DCC: variants seen among roughly 807,000 people sequenced by gnomAD.
The protein encoded by DCC is netrin receptor DCC.
In DCC, 58 loss-of-function variants were observed where a neutral mutation model predicts 172.5. The observed-to-expected ratio is 0.34, with a 90% CI of 0.27 to 0.42. The LOEUF (loss-of-function observed/expected upper bound fraction) is 0.42. DCC is among the 10% of genes least tolerant of loss of function. DCC has a pLI of 1.00. For synonymous variants in DCC, 709 were observed against 644.5 expected, an observed-to-expected ratio of 1.10 and a Z score of -1.52; for missense variants, 1,740 against 1,791.0, an observed-to-expected ratio of 0.97 and a Z score of 0.51.
At chr18:53,285,226 C>T (rs1003270028) in intron 12 of DCC, among the ~76,000 whole-genome samples, 3 of 152,132 alleles carry the variant, frequency 2.0e-5, no homozygotes, top group African/African-American at 7.2e-5. Context: ...CCAACGCATG[C>T]CAGATACCTT....
At chr18:52,871,721 G>A (rs967722019) in intron 2 of DCC, among the ~76,000 whole-genome samples, 1 of 152,084 alleles carries the variant, frequency 6.6e-6, no homozygotes, top group Non-Finnish European at 1.5e-5. Context: ...TCCCAAAGTG[G>A]TGACCCTCTT....
At chr18:53,179,688 A>G (rs2055165864) in intron 9 of DCC, among the ~76,000 whole-genome samples, 1 of 152,208 alleles carries the variant, frequency 6.6e-6, no homozygotes, top group African/African-American at 2.4e-5. Flanking sequence ...GAGCAGCTGA[A>G]TGTTCTTTGA....
At chr18:53,011,455 C>T (rs2041729767) in intron 5 of DCC, among the ~76,000 whole-genome samples, 1 of 151,376 alleles carries the variant, frequency 6.6e-6, no homozygotes, top group East Asian at 1.9e-4. Context: ...ACTGATTTTG[C>T]AAAGAGGGTT....
intron 1 of DCC, among the ~76,000 whole-genome samples, chr18:52,349,902 G>C (rs1984041526): frequency 6.6e-6 from 1 of 152,052 alleles, no homozygotes; most frequent in African/African-American, 2.4e-5. Context: ...TTGTAATCAA[G>C]GGGCCTAACT....
intron 21 of DCC, among the ~76,000 whole-genome samples, chr18:53,431,470 T>C (rs899796704): frequency 7.9e-6 from 1 of 126,128 alleles, no homozygotes; most frequent in African/African-American, 2.6e-5. Flanking sequence ...ACACTTTGTT[T>C]TTTGTTGTTG....
intron 1 of DCC, among the ~76,000 whole-genome samples, chr18:52,484,687 A>G (rs1250702551): frequency 6.6e-6 from 1 of 152,064 alleles, no homozygotes; most frequent in Non-Finnish European, 1.5e-5. Flanking sequence ...GTGCCCAAAC[A>G]GATTGCTACC....
At chr18:52,401,339 AGCAT>A (rs1216220081) in intron 1 of DCC, among the ~76,000 whole-genome samples, 1 of 152,006 alleles carries the variant, frequency 6.6e-6, no homozygotes, top group African/African-American at 2.4e-5. Context: ...ATCTCTACTG[AGCAT>A]TTACAGCATC....
chr18:53,423,281 T>C (rs1910736784), intron 21 of DCC, among the ~76,000 whole-genome samples: 1 of 152,174 alleles, frequency 6.6e-6, no homozygotes, highest in Admixed American at 6.6e-5. Flanking sequence ...ATTGGCCAAG[T>C]ACACGGTCTT....
chr18:52,723,512 C>T (rs4641847), intron 1 of DCC, among the ~76,000 whole-genome samples: 3 of 152,128 alleles, frequency 2.0e-5, no homozygotes, highest in African/African-American at 7.2e-5. Context: ...TGGCTTCAGC[C>T]GTCCCTCAGA....
At chr18:53,424,641 G>GC (rs1327162889) in intron 21 of DCC, among the ~76,000 whole-genome samples, 1 of 118,768 alleles carries the variant, frequency 8.4e-6, no homozygotes, top group Non-Finnish European at 2.1e-5. Context: ...ACTATTACCG[G>GC]GGGAAGAGTA....
rs2144698002 is a variant in DCC, at chr18:53,267,501, A to G, written c.1912-38077A>G. 2.0e-5 allele frequency among the ~76,000 whole-genome samples: 3 copies of G among 151,764 alleles called. No individual in the cohort carries two copies. The Middle Eastern group carries it at 0.01, about 523-fold the overall frequency. On this transcript the variant is annotated intron_variant, in intron 12 of 28. Transcript: ENST00000442544. ...TGTGCCCGGCCAATATTCTTTTGAG[A>G]CAGGGTCTTTCTCTGTCACCCAGGG...
intron 7 of DCC, among the ~76,000 whole-genome samples, chr18:53,068,779 G>GTGTGTGTGTGTA (rs2042610442): frequency 6.7e-6 from 1 of 150,234 alleles, no homozygotes; most frequent in African/African-American, 2.5e-5. Context: ...GACTGTGTGT[G>GTGTGTGTGTGTA]TGTGTGTGTG....
At chr18:52,702,353 C>T (rs532141903) in intron 1 of DCC, among the ~76,000 whole-genome samples, 1 of 152,244 alleles carries the variant, frequency 6.6e-6, no homozygotes, top group Admixed American at 6.5e-5. Context: ...TATCACTTTG[C>T]CTCTTACCTC....
intron 27 of DCC, among the ~76,000 whole-genome samples, chr18:53,513,478 G>C (rs928894387): frequency 6.6e-6 from 1 of 152,198 alleles, no homozygotes; most frequent in African/African-American, 2.4e-5. Context: ...AACTTTAAAT[G>C]TGAATGGACT....
chr18:53,222,282 G>T (rs893062330), intron 12 of DCC, among the ~76,000 whole-genome samples: 1 of 151,702 alleles, frequency 6.6e-6, no homozygotes, highest in Non-Finnish European at 1.5e-5. Flanking sequence ...CAAATTCAAA[G>T]CATATCTTTG....
intron 2 of DCC, among the ~76,000 whole-genome samples, chr18:52,900,731 A>G (rs2039797203): frequency 6.6e-6 from 1 of 152,216 alleles, no homozygotes; most frequent in Admixed American, 6.5e-5. Flanking sequence ...GGAAATCTGT[A>G]AGTTGGCTTG....
At chr18:53,292,209 G>C (rs545701002) in intron 12 of DCC, among the ~76,000 whole-genome samples, 75 of 149,910 alleles carry the variant, frequency 5.0e-4, no homozygotes, top group Non-Finnish European at 8.3e-4. Context: ...GTTTTGCTTA[G>C]TTAGCCAAGA....
intron 22 of DCC, among the ~76,000 whole-genome samples, chr18:53,440,057 G>T (rs995348852): frequency 1.3e-5 from 2 of 151,702 alleles, no homozygotes; most frequent in African/African-American, 4.9e-5. Flanking sequence ...GAGCCACCGC[G>T]CCCGGCCGTA....
At chr18:52,698,313 G>A (rs1235721982) in intron 1 of DCC, among the ~76,000 whole-genome samples, 1 of 152,006 alleles carries the variant, frequency 6.6e-6, no homozygotes, top group East Asian at 1.9e-4. Flanking sequence ...GAAATTGTTT[G>A]GTATGATTCT....
Sources: gnomAD v4.1 joint callset for allele counts (sites outside exome capture counted in the v4.1 genomes callset) on GRCh38, gnomAD v4.1.1 for gene constraint, MANE v1.5 for transcripts, NCBI Gene and HGNC (gene_info 2026-07-23, HGNC 2026-07-21) for gene names.